The following NALCN variants were observed in gnomAD, a reference collection of about 807,000 sequenced individuals.
NALCN encodes the protein sodium leak channel, non-selective.
In NALCN, 111 loss-of-function variants were observed where a neutral mutation model predicts 225.3. The ratio of observed to expected loss-of-function variants is 0.49; its 90% CI spans 0.42 to 0.58. The LOEUF is 0.58. Among genes scored for constraint, NALCN ranks in the 20% least tolerant of loss-of-function variants. The pLI is 0.00. For missense variants in NALCN, 1,378 were observed against 2,202.4 expected (o/e 0.63, Z 7.49); for synonymous variants, 764 against 769.0 (o/e 0.99, Z 0.11).
At chr13:101,099,622 A>G (rs1343282829) in intron 27 of NALCN, among the ~76,000 whole-genome samples, 3 of 152,216 alleles carry the variant, frequency 2.0e-5, no homozygotes, top group East Asian at 3.8e-4. Context: ...AGAATGGGAC[A>G]CTTTATGATA....
rs771524902 is a variant in NALCN at position 101,292,041 on chromosome 13, A to G, written c.996T>C (p.Phe332=). 10 of 1,613,972 alleles carry G rather than the reference A, an allele frequency of 6.2e-6. No individual in the cohort carries two copies. The Admixed American group carries it at 1.5e-4, about 24-fold the overall frequency. ...TGCTTCTCGATCCCCACATTTGTTG[A>G]AACTGTACTCTGATTTCTGCAAATG... ...IETFAEIRVQ[F]QQMWGSRSST... The change falls in exon 9 of 44, where the codon TTT becomes TTC. Residue 332 remains phenylalanine, a synonymous_variant. Coordinates refer to ENST00000251127, the MANE Select transcript of NALCN (RefSeq NM_052867.4). This position sits in a 1 kb window ranked among gnomAD's most constrained non-coding sequence, Gnocchi z 4.3.
intron 9 of NALCN, among the ~76,000 whole-genome samples, chr13:101,289,564 T>A (rs1422377599): frequency 7.1e-6 from 1 of 140,694 alleles, no homozygotes; most frequent in Admixed American, 7.0e-5. Context: ...ATATTTTCTA[T>A]ACACATGGCT....
intron 39 of NALCN, among the ~76,000 whole-genome samples, chr13:101,066,078 C>A (rs2032361916): frequency 6.6e-6 from 1 of 152,148 alleles, no homozygotes; most frequent in South Asian, 2.1e-4. Flanking sequence ...GTAATCTCAG[C>A]ACTTTGGGAG....
Position 101,075,939 on chromosome 13 carries a change from A to C in NALCN, c.3888T>G (p.Asn1296Lys). 1 of 1,606,100 alleles carries C rather than the reference A, an allele frequency of 6.2e-7. No individual in the cohort carries two copies. The highest frequency in any genetic ancestry group is 8.5e-7 in the Non-Finnish European group (1 of 1,177,498). The part of the protein sequence containing the change: ...VWVVLHFALL[N>K]AYTYMMGACV... ...AAGCGCCCATCATGTAAGTATATGC[A>C]TTCTGAAATTTAAACAGAAGACAGC... Residue 1296 changes from asparagine to lysine, a missense_variant and splice_region_variant, in exon 35 of 44, where the codon AAT becomes AAG. Transcript: ENST00000251127.
intron 28 of NALCN, among the ~76,000 whole-genome samples, chr13:101,090,406 G>C (rs540529176): frequency 1.3e-5 from 2 of 152,134 alleles, no homozygotes; most frequent in Admixed American, 6.5e-5. Context: ...AAAATCTTTC[G>C]AAAGGCATAA....
rs574573646 is a variant in NALCN at position 101,205,784 on chromosome 13, A to C, written c.1627-13730T>G. On this transcript the variant is annotated intron_variant, in intron 13 of 43. Coordinates refer to ENST00000251127, the MANE Select transcript of NALCN (RefSeq NM_052867.4). The stretch of plus-strand genomic sequence containing the variant: ...AATCAAATATGTGCTATAAAATTGT[A>C]CATGAAATTGATATTTTCATTTCAG... Among the ~76,000 whole-genome samples the C allele has an allele frequency of 2.6e-5, 4 of 152,260 alleles. No homozygotes were observed. The South Asian group carries it at 6.2e-4, about 24-fold the overall frequency.
chr13:101,141,414 A>G (rs2037071322), intron 17 of NALCN, among the ~76,000 whole-genome samples: 1 of 152,208 alleles, frequency 6.6e-6, no homozygotes, highest in African/African-American at 2.4e-5. Flanking sequence ...TGTCATTTAC[A>G]ATCTTGGATT....
intron 7 of NALCN, among the ~76,000 whole-genome samples, chr13:101,342,807 G>A (rs78960227): frequency 0.02 from 3,084 of 152,138 alleles, 111 homozygotes; most frequent in African/African-American, 0.071. Flanking sequence ...GGGGTTCCTT[G>A]TAATTTTTTC....
chr13:101,313,470 T>G (rs2044432007), intron 7 of NALCN, among the ~76,000 whole-genome samples: 1 of 151,872 alleles, frequency 6.6e-6, no homozygotes, highest in African/African-American at 2.4e-5. Flanking sequence ...TCAAACAAAT[T>G]TACAAGAAAA....
chr13:101,325,781 T>C (rs1170708092), intron 7 of NALCN, among the ~76,000 whole-genome samples: 1 of 152,218 alleles, frequency 6.6e-6, no homozygotes, highest in Non-Finnish European at 1.5e-5. Flanking sequence ...GGTAAGAATA[T>C]GTAAGAGGTG....
At chr13:101,085,374 A>C (rs1243385121) in intron 30 of NALCN, among the ~76,000 whole-genome samples, 1 of 152,130 alleles carries the variant, frequency 6.6e-6, no homozygotes, top group African/African-American at 2.4e-5. Context: ...GGCAAAAAAC[A>C]AATGCTTACT....
chr13:101,414,500 C>T (rs77411406), intron 1 of NALCN, among the ~76,000 whole-genome samples: 15,945 of 151,908 alleles, frequency 0.1, 922 homozygotes, highest in African/African-American at 0.15. Flanking sequence ...AATGATAAAA[C>T]AAATGTGTAC....
intron 7 of NALCN, among the ~76,000 whole-genome samples, chr13:101,301,380 T>G (rs1162011543): frequency 2.0e-5 from 3 of 152,088 alleles, no homozygotes; most frequent in Non-Finnish European, 4.4e-5. Flanking sequence ...AGCAGTGAGG[T>G]CAGGTCAAAA....
At chr13:101,324,718 C>T (rs549322287) in intron 7 of NALCN, among the ~76,000 whole-genome samples, 152 of 152,268 alleles carry the variant, frequency 1.0e-3, no homozygotes, top group Middle Eastern at 3.4e-3. Context: ...ATGTCATCTG[C>T]AAACAGGGAC....
At chr13:101,206,416 T>C (rs1405487680) in intron 13 of NALCN, among the ~76,000 whole-genome samples, 1 of 152,020 alleles carries the variant, frequency 6.6e-6, no homozygotes, top group Non-Finnish European at 1.5e-5. Flanking sequence ...TGTTTATGAA[T>C]AAACACTTAA....
At chr13:101,122,260 C>CA (rs1350556629) in intron 18 of NALCN, among the ~76,000 whole-genome samples, 1 of 152,088 alleles carries the variant, frequency 6.6e-6, no homozygotes, top group Non-Finnish European at 1.5e-5. Context: ...GAAGAAAAAA[C>CA]AAAATGGCTT....
intron 10 of NALCN, among the ~76,000 whole-genome samples, chr13:101,271,193 T>A (rs1433482654): frequency 3.3e-5 from 5 of 152,138 alleles, no homozygotes; most frequent in Admixed American, 6.5e-5. Flanking sequence ...GATAAACAAA[T>A]AAATAAAAAT....
chr13:101,371,540 G>C (rs950275847), intron 6 of NALCN, among the ~76,000 whole-genome samples: 4 of 152,110 alleles, frequency 2.6e-5, no homozygotes, highest in African/African-American at 9.7e-5. Context: ...TTTTGAAGGA[G>C]TTGTAATATT....
Position 101,068,816 on chromosome 13 carries a change from C to A in NALCN, c.4209G>T (p.Pro1403=). 1 of 1,606,804 alleles carries A rather than the reference C, an allele frequency of 6.2e-7. No individual in the cohort carries two copies. The highest frequency in any genetic ancestry group is 8.5e-7 in the Non-Finnish European group (1 of 1,177,132). ...KIMHDCMVQP[P]FCTPDEFTYW... is the part of the protein sequence containing the mutation. ...ATGTAAATTCATCTGGAGTACAAAA[C>A]GGAGGCTGAACCTTTGGGGCATTGG... is the stretch of plus-strand genomic sequence containing the variant. Residue 1403 remains proline, a synonymous_variant, in exon 38 of 44, where the codon CCG becomes CCT. Transcript: ENST00000251127.
Sources: gnomAD v4.1 joint callset for allele counts (sites outside exome capture counted in the v4.1 genomes callset) on GRCh38, gnomAD v4.1.1 for gene constraint, Gnocchi (gnomAD v3.1) non-coding constraint, MANE v1.5 for transcripts, NCBI Gene and HGNC (gene_info 2026-07-23, HGNC 2026-07-21) for gene names.